NALF1: variants seen among roughly 807,000 people sequenced by gnomAD.
NALF1 encodes the protein NALCN channel auxiliary factor 1.
In NALF1, 3 loss-of-function variants were observed where a neutral mutation model predicts 48.4. The observed-to-expected ratio is 0.06, with a 90% CI of 0.03 to 0.16. NALF1 has a LOEUF of 0.16. NALF1 is among the 10% of genes least tolerant of loss of function. NALF1 has a pLI of 1.00. For missense variants in NALF1, 526 were observed against 571.5 expected (o/e 0.92, Z 0.81); for synonymous variants, 262 against 245.7 (o/e 1.07, Z -0.62).
chr13:107,581,455 A>C (rs1315263919), intron 1 of NALF1, among the ~76,000 whole-genome samples: 2 of 152,154 alleles, frequency 1.3e-5, no homozygotes, highest in African/African-American at 4.8e-5. Flanking sequence ...TGTTCTGTCT[A>C]GAGGAAAGCA....
At position 107,362,840 on chromosome 13, in the gene NALF1, T is replaced by G. The variant is rs1279670222; in HGVS notation, c.916-152085A>C. ...TGGAGCAACCAGGATGAATGTGAGC[T>G]TTTGGCAGGTCTAAAGTAAGTGGAG... On this transcript the variant is annotated intron_variant, in intron 1 of 2. Coordinates refer to ENST00000375915, the MANE Select transcript of NALF1 (RefSeq NM_001080396.3). The surrounding 1 kb of genome is among the most constrained non-coding windows in gnomAD (Gnocchi z 4.6). Among the ~76,000 whole-genome samples, 1 of 152,154 alleles carries G rather than the reference T, an allele frequency of 6.6e-6. No individual in the cohort carries two copies. The highest frequency in any genetic ancestry group is 2.4e-5 in the African/African-American group (1 of 41,426).
Position 107,338,108 on chromosome 13 carries a change from T to C in NALF1, c.916-127353A>G, listed in dbSNP as rs191072905. Among the ~76,000 whole-genome samples the C allele has an allele frequency of 3.2e-3, 492 of 152,364 alleles. 1 individual carries two copies. Among genetic ancestry groups the C allele is most frequent in the Non-Finnish European group, 5.3e-3 (359 of 68,038 alleles). On this transcript the variant is annotated intron_variant, in intron 1 of 2. Coordinates refer to ENST00000375915, the MANE Select transcript of NALF1 (RefSeq NM_001080396.3). ...TGGGATGTTTCTTCGTGATGACATC[T>C]TTTTAAACTTAATGAAACGCAGTAT...
chr13:107,722,101 AGGAG>A (rs1876004533), intron 1 of NALF1, among the ~76,000 whole-genome samples: 1 of 152,120 alleles, frequency 6.6e-6, no homozygotes, highest in South Asian at 2.1e-4. Context: ...TCCAGAAAGG[AGGAG>A]GGAGGGAGAG....
chr13:107,403,188 C>CTTTTT (rs10710356), intron 1 of NALF1, among the ~76,000 whole-genome samples: 7 of 42,488 alleles, frequency 1.6e-4, no homozygotes, highest in African/African-American at 2.6e-4. Flanking sequence ...CTTGTTCGGG[C>CTTTTT]TTTTTTTTTT....
At chr13:107,545,425 T>C (rs2139123534) in intron 1 of NALF1, among the ~76,000 whole-genome samples, 1 of 152,312 alleles carries the variant, frequency 6.6e-6, no homozygotes, top group South Asian at 2.1e-4. Flanking sequence ...TACATTTCTG[T>C]TGTTTTCAGC....
chr13:107,510,380 C>T (rs1344967665), intron 1 of NALF1, among the ~76,000 whole-genome samples: 2 of 152,198 alleles, frequency 1.3e-5, no homozygotes, highest in African/African-American at 2.4e-5. Flanking sequence ...GAGCCTACAA[C>T]GGAGGGTCTG....
At position 107,556,296 on chromosome 13, in the gene NALF1, T is replaced by TACAC. The variant is rs71121533; in HGVS notation, c.915+309382_915+309385dup. 8.4e-4 allele frequency among the ~76,000 whole-genome samples: 83 copies of TACAC among 98,540 alleles called. 1 individual carries two copies. The highest frequency in any genetic ancestry group is 9.6e-3 in the Middle Eastern group (2 of 208). The allele number at this position is 98,540 out of a possible 152,430, so 64.6% of individuals were successfully genotyped here. A position where few individuals can be genotyped will look rare whatever the true frequency, so the allele number is the denominator to read the frequency against. On this transcript the variant is annotated intron_variant, in intron 1 of 2. Transcript: ENST00000375915. ...ACATATATATATATATATATATATA[T>TACAC]ACACACACACACACACACACACATA...
chr13:107,313,876 G>T (rs947790805), intron 1 of NALF1, among the ~76,000 whole-genome samples: 1 of 152,042 alleles, frequency 6.6e-6, no homozygotes, highest in Non-Finnish European at 1.5e-5. Flanking sequence ...TACACATATT[G>T]GTTGATGTTT....
At chr13:107,809,545 T>C (rs145344474) in intron 1 of NALF1, among the ~76,000 whole-genome samples, 1 of 152,252 alleles carries the variant, frequency 6.6e-6, no homozygotes, top group Non-Finnish European at 1.5e-5. Flanking sequence ...ACTGTTCACA[T>C]AGGGTGTGCT....
chr13:107,591,518 C>T (rs1009265109), intron 1 of NALF1, among the ~76,000 whole-genome samples: 2 of 151,946 alleles, frequency 1.3e-5, no homozygotes, highest in African/African-American at 2.4e-5. Flanking sequence ...AGGAGTAATT[C>T]AGAGTCATTT....
intron 1 of NALF1, among the ~76,000 whole-genome samples, chr13:107,704,388 C>G (rs541006454): frequency 7.9e-4 from 120 of 152,022 alleles, no homozygotes; most frequent in African/African-American, 2.9e-3. Flanking sequence ...TCTCATTCAC[C>G]AATCTTTTCT....
intron 1 of NALF1, among the ~76,000 whole-genome samples, chr13:107,559,345 A>G (rs1877576972): frequency 6.6e-6 from 1 of 152,240 alleles, no homozygotes; most frequent in Non-Finnish European, 1.5e-5. Context: ...CAACAAAACA[A>G]AACAAGTTAA....
intron 1 of NALF1, among the ~76,000 whole-genome samples, chr13:107,709,367 C>G (rs1316274948): frequency 1.3e-5 from 2 of 152,190 alleles, no homozygotes; most frequent in Admixed American, 6.5e-5. Context: ...AGGAGCTGAG[C>G]TGACTTTCTG....
intron 1 of NALF1, among the ~76,000 whole-genome samples, chr13:107,357,747 G>C (rs1240510723): frequency 2.0e-5 from 3 of 152,156 alleles, no homozygotes; most frequent in African/African-American, 7.2e-5. Flanking sequence ...ACATAATCTG[G>C]AGACAATGAT....
intron 1 of NALF1, among the ~76,000 whole-genome samples, chr13:107,495,036 A>G (rs1351708555): frequency 1.3e-5 from 2 of 152,246 alleles, no homozygotes; most frequent in African/African-American, 4.8e-5. Flanking sequence ...TAGAGGCGTT[A>G]CTGTTTGAGC....
intron 1 of NALF1, among the ~76,000 whole-genome samples, chr13:107,638,187 T>TTATATATATATATATATA (rs559263292): frequency 3.2e-4 from 17 of 53,046 alleles, no homozygotes; most frequent in Admixed American, 6.0e-4. Flanking sequence ...ATATAAAGAT[T>TTATATATATATATATATA]TATATATATA....
At chr13:107,390,901 A>T (rs1883615931) in intron 1 of NALF1, among the ~76,000 whole-genome samples, 1 of 151,354 alleles carries the variant, frequency 6.6e-6, no homozygotes, top group Admixed American at 6.6e-5. Context: ...AATAATAATA[A>T]TAATAATAGA....
chr13:107,834,640 AT>A (rs1038260691), intron 1 of NALF1, among the ~76,000 whole-genome samples: 1 of 152,090 alleles, frequency 6.6e-6, no homozygotes, highest in African/African-American at 2.4e-5. Context: ...ATTTACTGTG[AT>A]TTTTTTACAA....
intron 1 of NALF1, among the ~76,000 whole-genome samples, chr13:107,392,573 T>C (rs541080004): frequency 6.6e-6 from 1 of 152,302 alleles, no homozygotes; most frequent in Admixed American, 6.5e-5. Flanking sequence ...GGTCTCTCTC[T>C]GTCTTTATGT....
Sources: allele counts gnomAD v4.1 joint callset (sites outside exome capture counted in the v4.1 genomes callset), GRCh38; gene constraint gnomAD v4.1.1; non-coding constraint Gnocchi (gnomAD v3.1); transcripts MANE v1.5; gene names NCBI Gene and HGNC (gene_info 2026-07-23, HGNC 2026-07-21).